WNT7A: variants seen among roughly 807,000 people sequenced by gnomAD.
WNT7A encodes the protein Wnt family member 7A, also known as protein Wnt-7a.
In WNT7A, 16 loss-of-function variants were observed where a neutral mutation model predicts 28.2. That is an observed-to-expected ratio of 0.57 (90% CI 0.38 to 0.86). The LOEUF is 0.86. Among genes scored for constraint, WNT7A ranks in the 40% least tolerant of loss-of-function variants. WNT7A has a pLI of 0.00. For missense variants in WNT7A, 411 were observed against 489.7 expected (o/e 0.84, Z 1.52); for synonymous variants, 190 against 195.9 (o/e 0.97, Z 0.25).
intron 1 of WNT7A, among the ~76,000 whole-genome samples, chr3:13,878,706 C>T (rs1695153370): frequency 1.3e-5 from 2 of 152,200 alleles, no homozygotes; most frequent in Non-Finnish European, 2.9e-5. Context: ...CGGTCCACCC[C>T]TCCTCAAAAG....
At chr3:13,856,942 A>AAGGAGAAGGAGAAGG (rs1559303305) in intron 2 of WNT7A, among the ~76,000 whole-genome samples, 5 of 112,704 alleles carry the variant, frequency 4.4e-5, no homozygotes, top group African/African-American at 1.8e-4. Flanking sequence ...GAAGAAGAAG[A>AAGGAGAAGGAGAAGG]AGAAGAAGAA....
chr3:13,873,757 A>G (rs1695060956), intron 2 of WNT7A, among the ~76,000 whole-genome samples: 2 of 152,208 alleles, frequency 1.3e-5, no homozygotes, highest in Admixed American at 6.5e-5. Flanking sequence ...GAAAAGGTCT[A>G]GAAGACCTGG....
intron 2 of WNT7A, among the ~76,000 whole-genome samples, chr3:13,861,004 G>A (rs78487946): frequency 0.016 from 2,414 of 152,314 alleles, 63 homozygotes; most frequent in African/African-American, 0.054. Context: ...GGAGGTGGGG[G>A]CTGCTATTAT....
chr3:13,856,893 AAAG>A (rs775537679), intron 2 of WNT7A, among the ~76,000 whole-genome samples: 4,546 of 72,704 alleles, frequency 0.063, 70 homozygotes, highest in Non-Finnish European at 0.079. Flanking sequence ...AGAAGAAGAA[AAAG>A]AAGAAGAAGA....
At chr3:13,831,380 G>A (rs942474014) in intron 3 of WNT7A, among the ~76,000 whole-genome samples, 11 of 152,208 alleles carry the variant, frequency 7.2e-5, no homozygotes, top group African/African-American at 1.7e-4. Context: ...GTGGCAGTGC[G>A]GACCACAGTC....
chr3:13,822,090 G>A (rs950614678), intron 3 of WNT7A, among the ~76,000 whole-genome samples: 4 of 152,344 alleles, frequency 2.6e-5, no homozygotes, highest in East Asian at 1.9e-4. Context: ...ACAAGTGTCG[G>A]CGAGGGTGTG....
chr3:13,863,643 A>T (rs1438196020), intron 2 of WNT7A: 1 of 152,224 alleles, frequency 6.6e-6, no homozygotes, highest in Non-Finnish European at 1.5e-5. Flanking sequence ...CTGCATTCTA[A>T]GCAAGAATAA....
intron 1 of WNT7A, chr3:13,877,168 G>A (rs1695122548): frequency 6.6e-6 from 1 of 152,262 alleles, no homozygotes; most frequent in Non-Finnish European, 1.5e-5. Context: ...CCTACTATGT[G>A]CCAAGGCAGT....
chr3:13,878,768 C>T (rs1695154176), intron 1 of WNT7A, among the ~76,000 whole-genome samples: 1 of 152,184 alleles, frequency 6.6e-6, no homozygotes, highest in Non-Finnish European at 1.5e-5. Context: ...TGTGTGAGAC[C>T]TACCAAGCGG....
chr3:13,871,746 C>T (rs147861378), intron 2 of WNT7A, among the ~76,000 whole-genome samples: 1 of 152,298 alleles, frequency 6.6e-6, no homozygotes, highest in African/African-American at 2.4e-5. Context: ...ACTCCAGACC[C>T]CCACTGCCAC....
chr3:13,823,885 T>C lies in WNT7A; in HGVS notation c.571-4462A>G, dbSNP rs190164909. 3.5e-3 allele frequency among the ~76,000 whole-genome samples: 536 copies of C among 152,262 alleles called. 2 individuals carry two copies. The highest frequency in any genetic ancestry group is 0.012 in the African/African-American group (495 of 41,560). On this transcript the variant is annotated intron_variant, in intron 3 of 3. Coordinates refer to ENST00000285018, the MANE Select transcript of WNT7A (RefSeq NM_004625.4). ...TCCCTGCTGGGCCCTTCAGGATGTC[T>C]GCACAACCCTATCAAAGGTCACAGC...
intron 3 of WNT7A, among the ~76,000 whole-genome samples, chr3:13,842,598 A>G (rs1037896206): frequency 1.3e-5 from 2 of 152,178 alleles, no homozygotes; most frequent in African/African-American, 4.8e-5. Context: ...TGTAGGTAGA[A>G]CTGACATGTT....
At chr3:13,832,390 C>T (rs1032099715) in intron 3 of WNT7A, among the ~76,000 whole-genome samples, 1 of 151,520 alleles carries the variant, frequency 6.6e-6, no homozygotes, top group African/African-American at 2.4e-5. Flanking sequence ...TCCTCCTCCT[C>T]TACAGGCTCC....
chr3:13,868,591 G>GAA (rs1559306962), intron 2 of WNT7A, among the ~76,000 whole-genome samples: 205 of 13,498 alleles, frequency 0.015, 27 homozygotes, highest in Non-Finnish European at 0.021. Flanking sequence ...AGAGAGAGAG[G>GAA]GAGAAAGAAA....
intron 2 of WNT7A, 130 bp from the exon 3 acceptor site, chr3:13,854,933 C>G: frequency 8.0e-7 from 1 of 1,249,136 alleles, no homozygotes; most frequent in African/African-American, 1.5e-5. Flanking sequence ...AGTACCCGTT[C>G]CTAACTTCCA....
intron 2 of WNT7A, among the ~76,000 whole-genome samples, chr3:13,856,543 C>A (rs1054501967): frequency 6.6e-6 from 1 of 152,202 alleles, no homozygotes; most frequent in Non-Finnish European, 1.5e-5. Flanking sequence ...GGGGGCCAGG[C>A]ATGGTGGCTT....
intron 3 of WNT7A, among the ~76,000 whole-genome samples, chr3:13,819,876 A>T (rs1301643792): frequency 6.6e-6 from 1 of 152,220 alleles, no homozygotes; most frequent in Non-Finnish European, 1.5e-5. Flanking sequence ...ACCTACAAAG[A>T]CAGTGGACTG....
intron 3 of WNT7A, among the ~76,000 whole-genome samples, chr3:13,827,045 TC>T (rs1172558383): frequency 1.3e-5 from 2 of 152,140 alleles, no homozygotes; most frequent in Admixed American, 6.5e-5. Flanking sequence ...GTTTCTGGGA[TC>T]CCTAGTCACT....
chr3:13,868,679 G>A (rs866934705), intron 2 of WNT7A, among the ~76,000 whole-genome samples: 3 of 2,706 alleles, frequency 1.1e-3, no homozygotes, highest in Non-Finnish European at 2.1e-3. Context: ...GGAGAGAGGG[G>A]GAGAGAGAGA....
Sources: allele counts gnomAD v4.1 joint callset (sites outside exome capture counted in the v4.1 genomes callset), GRCh38; gene constraint gnomAD v4.1.1; transcripts MANE v1.5; gene names NCBI Gene and HGNC (gene_info 2026-07-23, HGNC 2026-07-21).